ZNF148: variants seen among roughly 807,000 people sequenced by gnomAD.
ZNF148 encodes the protein Beta-Enolase Repressor Factor-1.
ZNF148 carries 7 observed loss-of-function variants against 67.7 expected under a neutral mutation model. The ratio of observed to expected loss-of-function variants is 0.10; its 90% CI spans 0.06 to 0.19. The LOEUF is 0.19. ZNF148 is among the 10% of genes least tolerant of loss of function. The pLI is 1.00. For synonymous variants in ZNF148, 333 were observed against 330.7 expected (o/e 1.01, Z -0.08); for missense variants, 583 against 947.1 (o/e 0.62, Z 5.05).
At chr3:125,311,706 CAAGAAAAA>C (rs746638116) in intron 4 of ZNF148, among the ~76,000 whole-genome samples, 10 of 150,598 alleles carry the variant, frequency 6.6e-5, no homozygotes, top group African/African-American at 1.2e-4. Context: ...TGTCTTAAGA[CAAGAAAAA>C]AAGAAAAAAA....
intron 7 of ZNF148, among the ~76,000 whole-genome samples, chr3:125,237,221 G>T (rs1315663256): frequency 6.6e-6 from 1 of 152,132 alleles, no homozygotes; most frequent in African/African-American, 2.4e-5. Context: ...AACCAAGATG[G>T]GAAGGGAAGG....
intron 7 of ZNF148, among the ~76,000 whole-genome samples, chr3:125,269,871 A>C (rs1262705241): frequency 6.6e-6 from 1 of 151,370 alleles, no homozygotes; most frequent in Non-Finnish European, 1.5e-5. Flanking sequence ...ACCAAATAAC[A>C]CATGTTCCCA....
chr3:125,321,671 G>C (rs148478379), intron 3 of ZNF148, among the ~76,000 whole-genome samples: 1 of 151,932 alleles, frequency 6.6e-6, no homozygotes, highest in East Asian at 1.9e-4. Flanking sequence ...AGGAGAGGGG[G>C]AGGGAAAAGG....
At position 125,365,832 on chromosome 3, in the gene ZNF148, A is replaced by G. The variant is rs79493644; in HGVS notation, c.-234+9270T>C. 5.4e-3 allele frequency among the ~76,000 whole-genome samples: 821 copies of G among 152,294 alleles called. 6 individuals carry two copies. The highest frequency in any genetic ancestry group is 0.019 in the African/African-American group (775 of 41,550). ...CAAGAGCCTCACGTTCGTTCATTCA[A>G]TAATAAATAAATAAATAGCATATTT... is the stretch of plus-strand genomic sequence containing the variant. On this transcript the variant is annotated intron_variant, in intron 1 of 8. Transcript: ENST00000360647.
chr3:125,250,193 T>C (rs1936778098), intron 7 of ZNF148, among the ~76,000 whole-genome samples: 1 of 152,244 alleles, frequency 6.6e-6, no homozygotes, highest in Non-Finnish European at 1.5e-5. Flanking sequence ...TGTGAAGTGA[T>C]GGTTATGTTC....
intron 7 of ZNF148, among the ~76,000 whole-genome samples, chr3:125,245,328 T>A (rs1462147642): frequency 6.6e-6 from 1 of 152,192 alleles, no homozygotes; most frequent in East Asian, 1.9e-4. Context: ...GAGATCTGAC[T>A]GCTTTCTAAA....
intron 1 of ZNF148, among the ~76,000 whole-genome samples, chr3:125,332,854 T>G (rs1295827881): frequency 6.6e-6 from 1 of 152,250 alleles, no homozygotes; most frequent in Non-Finnish European, 1.5e-5. Flanking sequence ...CAACTGTTTC[T>G]GCATTGCACT....
chr3:125,371,785 C>A (rs1942895467), intron 1 of ZNF148, among the ~76,000 whole-genome samples: 1 of 151,918 alleles, frequency 6.6e-6, no homozygotes, highest in Admixed American at 6.6e-5. Context: ...TGCAATCAGG[C>A]CGGGCGCGGA....
intron 1 of ZNF148, among the ~76,000 whole-genome samples, chr3:125,364,674 T>C (rs570010468): frequency 6.6e-5 from 10 of 152,270 alleles, no homozygotes; most frequent in Admixed American, 3.3e-4. Context: ...GGATGAGATA[T>C]CAGCTTGGAA....
In ZNF148 at chr3:125,232,729, G is replaced by A; in HGVS notation, c.1997C>T (p.Pro666Leu). 6.2e-7 allele frequency: 1 copy of A among 1,613,856 alleles called. No homozygotes were observed. Among genetic ancestry groups the A allele is most frequent in the South Asian group, 1.1e-5 (1 of 91,086 alleles). ...GGACTTATCTGGAGTTGTTCTTAGT[G>A]GAGAATTCATTCCTGATCGAAAGCT... is the stretch of plus-strand genomic sequence containing the variant. ...INSFRSGMNS[P>L]LRTTPDKSHF... is the part of the protein sequence containing the mutation. Residue 666 changes from proline (P) to leucine (L), a missense_variant, in exon 9 of 9, where the codon CCA becomes CTA. Physicochemically the swap from Pro to Leu is moderately conservative, Grantham distance 98 (BLOSUM62 -3). Transcript: ENST00000360647. The surrounding 1 kb of genome is among the most constrained non-coding windows in gnomAD (Gnocchi z 4.2).
rs3030721 is a variant in ZNF148 at position 125,310,073 on chromosome 3, ATTT to A, written c.333+3232_333+3234del. Reference sequence around the variant, plus strand: ...CTTCTAAACAATAATGGTTCAAAGAATTTTTTTTTTTTTTTTTTTTTTTAAAGA... The same window carrying A: ...CTTCTAAACAATAATGGTTCAAAGAATTTTTTTTTTTTTTTTTTTTAAAGA... On this transcript the variant is annotated intron_variant, in intron 4 of 8. Transcript: ENST00000360647. Among the ~76,000 whole-genome samples the A allele has an allele frequency of 8.7e-3, 1,193 of 137,412 alleles. 5 individuals are homozygous for A. Among genetic ancestry groups the A allele is most frequent in the Middle Eastern group, 0.011 (3 of 274 alleles). The allele number at this position is 137,412 out of a possible 152,430, so 90.1% of individuals were successfully genotyped here.
intron 7 of ZNF148, among the ~76,000 whole-genome samples, chr3:125,264,714 G>T (rs1211559042): frequency 6.6e-6 from 1 of 152,140 alleles, no homozygotes; most frequent in Non-Finnish European, 1.5e-5. Context: ...CCTCTGAAAT[G>T]CCTTTCATGT....
At chr3:125,311,073 T>G (rs899974923) in intron 4 of ZNF148, 20 of 208,460 alleles carry the variant, frequency 9.6e-5, no homozygotes, top group Admixed American at 8.7e-4. Flanking sequence ...TGGAGAAAGC[T>G]CTAGGGAAAA....
rs1017395579 is a variant in ZNF148 at position 125,331,170 on chromosome 3, C to T, written c.-165G>A. The T allele has an allele frequency of 4.0e-5, 16 of 398,396 alleles. No individual in the cohort carries two copies. The highest frequency in any genetic ancestry group is 7.1e-5 in the Non-Finnish European group (16 of 226,032). The allele number at this position is 398,396 out of a possible 1,614,324, so 24.7% of individuals were successfully genotyped here. On this transcript the variant is annotated 5_prime_UTR_variant, in exon 2 of 9. Coordinates refer to ENST00000360647, the MANE Select transcript of ZNF148 (RefSeq NM_021964.3). The stretch of plus-strand genomic sequence containing the variant: ...AATGCTGAATTACCTCCATTAAATA[C>T]GTTAGGCAAACGCCCATCCCGCCAG...
At chr3:125,361,839 A>AC in intron 1 of ZNF148, among the ~76,000 whole-genome samples, 1 of 151,598 alleles carries the variant, frequency 6.6e-6, no homozygotes. Context: ...TCTCAAAAAA[A>AC]AAAAAATAGT....
At chr3:125,257,485 C>T (rs908527949) in intron 7 of ZNF148, among the ~76,000 whole-genome samples, 6 of 140,346 alleles carry the variant, frequency 4.3e-5, no homozygotes, top group Non-Finnish European at 9.1e-5. Context: ...ACTCGGGCTG[C>T]GGAGGTTGGT....
chr3:125,283,658 T>C (rs889732031), intron 5 of ZNF148, among the ~76,000 whole-genome samples: 10 of 152,154 alleles, frequency 6.6e-5, no homozygotes, highest in African/African-American at 1.7e-4. Flanking sequence ...CTCCGTCTTA[T>C]AATCAGTTCA....
intron 4 of ZNF148, among the ~76,000 whole-genome samples, chr3:125,309,489 C>A (rs1391312292): frequency 2.0e-5 from 3 of 151,670 alleles, no homozygotes; most frequent in Non-Finnish European, 2.9e-5. Context: ...TAGGCATATA[C>A]GACATGAACA....
At chr3:125,257,586 A>G (rs950565508) in intron 7 of ZNF148, among the ~76,000 whole-genome samples, 13 of 138,908 alleles carry the variant, frequency 9.4e-5, no homozygotes, top group African/African-American at 3.3e-4. Flanking sequence ...AAAAAAGTTC[A>G]CCCTTTCTTC....
Sources: gnomAD v4.1 joint callset for allele counts (sites outside exome capture counted in the v4.1 genomes callset) on GRCh38, gnomAD v4.1.1 for gene constraint, Gnocchi (gnomAD v3.1) non-coding constraint, MANE v1.5 for transcripts, NCBI Gene and HGNC (gene_info 2026-07-23, HGNC 2026-07-21) for gene names.